AMMECR1L: variants seen among roughly 807,000 people sequenced by gnomAD.
AMMECR1L encodes AMMECR1 like.
AMMECR1L carries 4 observed loss-of-function variants against 36.8 expected under a neutral mutation model. The observed-to-expected ratio is 0.11, with a 90% CI of 0.05 to 0.25. The LOEUF is 0.25. Ranked by LOEUF, AMMECR1L falls within the 10% of genes least tolerant of loss-of-function variation. The pLI is 1.00. For synonymous variants in AMMECR1L, 147 were observed against 148.0 expected (o/e 0.99, Z 0.05); for missense variants, 232 against 392.1 (o/e 0.59, Z 3.45).
chr2:127,866,692 T>C (rs1043326274), intron 7 of AMMECR1L, among the ~76,000 whole-genome samples: 1 of 152,192 alleles, frequency 6.6e-6, no homozygotes, highest in African/African-American at 2.4e-5. Context: ...CTGCTCCAAC[T>C]GTGCCCCCAG....
chr2:127,878,191 C>G (rs1249281410), intron 2 of AMMECR1L, among the ~76,000 whole-genome samples: 1 of 152,136 alleles, frequency 6.6e-6, no homozygotes, highest in African/African-American at 2.4e-5. Flanking sequence ...AAGTCAACAT[C>G]TCAGCCATCA....
At chr2:127,880,256 G>A (rs1259427005) in intron 2 of AMMECR1L, among the ~76,000 whole-genome samples, 2 of 152,162 alleles carry the variant, frequency 1.3e-5, no homozygotes, top group Non-Finnish European at 2.9e-5. Context: ...ACAAAGCTCA[G>A]CTCAAGGGCC....
In AMMECR1L at chr2:127,865,571, T is replaced by C. The variant is rs947983156; in HGVS notation, c.822-366A>G. On this transcript the variant is annotated intron_variant, in intron 7 of 7. Coordinates refer to ENST00000272647, the MANE Select transcript of AMMECR1L (RefSeq NM_001199140.2). The surrounding 1 kb of genome is among the most constrained non-coding windows in gnomAD (Gnocchi z 5.4). ...GGAAGATGGCTGCACCAAAACCCAG[T>C]GCAAACTGCACATCTACTTCCAGAG... Among the ~76,000 whole-genome samples the C allele has an allele frequency of 6.6e-6, 1 of 152,222 alleles. No individual in the cohort carries two copies. The highest frequency in any genetic ancestry group is 1.9e-4 in the East Asian group (1 of 5,198).
intron 2 of AMMECR1L, among the ~76,000 whole-genome samples, chr2:127,881,190 C>G (rs1691485064): frequency 6.6e-6 from 1 of 151,816 alleles, no homozygotes; most frequent in African/African-American, 2.4e-5. Flanking sequence ...TCATTTTTTC[C>G]TTTTTCAATG....
rs1176277455 is a variant in AMMECR1L at position 127,869,668 on chromosome 2, T to C, written c.634-124A>G. The stretch of plus-strand genomic sequence containing the variant: ...ACAGGCCTGGAAAAGGGAGACCTTC[T>C]CGCATTTCATGACTAATTCTATCTC... On this transcript the variant is annotated intron_variant, in intron 5 of 7. Transcript: ENST00000272647. The surrounding 1 kb of genome is among the most constrained non-coding windows in gnomAD (Gnocchi z 4.7). The C allele has an allele frequency of 3.9e-6, 3 of 776,506 alleles. No individual in the cohort carries two copies. Among genetic ancestry groups the C allele is most frequent in the Non-Finnish European group, 6.4e-6 (3 of 465,506 alleles). The allele number at this position is 776,506 out of a possible 1,614,324, so 48.1% of individuals were successfully genotyped here.
chr2:127,879,591 G>T (rs1380703521), intron 2 of AMMECR1L, among the ~76,000 whole-genome samples: 1 of 152,186 alleles, frequency 6.6e-6, no homozygotes, highest in Non-Finnish European at 1.5e-5. Flanking sequence ...TACAGGCAAA[G>T]AATGTAAACC....
In AMMECR1L at chr2:127,874,415, A is replaced by AGGTT; in HGVS notation, c.-38-144_-38-143insAACC. ...CTCAACCTCCAGGTCACAGACCAGG[A>AGGTT]GAAGAAACCCCTAACCTTTTCCTAA... On this transcript the variant is annotated intron_variant, in intron 2 of 7. Transcript: ENST00000272647. The surrounding 1 kb of genome is among the most constrained non-coding windows in gnomAD (Gnocchi z 5.2). 1.3e-6 allele frequency: 1 copy of AGGTT among 765,274 alleles called. No homozygotes were observed. Among genetic ancestry groups the AGGTT allele is most frequent in the Non-Finnish European group, 2.0e-6 (1 of 492,362 alleles). 47.4% of individuals were successfully genotyped at this position (765,274 alleles called of 1,614,324 possible). A position where few individuals can be genotyped will look rare whatever the true frequency, so the allele number is the denominator to read the frequency against.
chr2:127,866,724 G>A (rs1039458378), intron 7 of AMMECR1L, among the ~76,000 whole-genome samples, 176 bp downstream of exon 7: 2 of 152,218 alleles, frequency 1.3e-5, no homozygotes, highest in Non-Finnish European at 2.9e-5. Context: ...AGACACACAG[G>A]ATGCTGGGAG....
At position 127,866,357 on chromosome 2, in the gene AMMECR1L, G is replaced by A. The variant is rs1363882714; in HGVS notation, c.821+543C>T. ...TACAGACAGGGAACAGGCTCAGAGA[G>A]GCAGAATAACTGGCTCAGGTCACAC... On this transcript the variant is annotated intron_variant, in intron 7 of 7. Transcript: ENST00000272647. Among the ~76,000 whole-genome samples, 3 of 152,322 alleles carry A rather than the reference G, an allele frequency of 2.0e-5. No individual in the cohort carries two copies. The East Asian group carries it at 5.8e-4, about 29-fold the overall frequency.
At chr2:127,885,225 A>AGTGCGC (rs1691706280) in intron 1 of AMMECR1L, 1 of 984,764 alleles carries the variant, frequency 1.0e-6, no homozygotes, top group Non-Finnish European at 1.2e-6. Context: ...GCGTGTGAAG[A>AGTGCGC]GTGTTAAGAA....
rs1443434471 is a variant in AMMECR1L, at chr2:127,873,333, TG to T, written c.407+494del. On this transcript the variant is annotated intron_variant, in intron 3 of 7. Coordinates refer to ENST00000272647, the MANE Select transcript of AMMECR1L (RefSeq NM_001199140.2). The surrounding 1 kb of genome is among the most constrained non-coding windows in gnomAD (Gnocchi z 5.2). Reference sequence around the variant, plus strand: ...ACTGAAGCAGATTCTGACTTCTTGATGGGATGTGAGTGGCCCTACAGGTTTA... The same window carrying T: ...ACTGAAGCAGATTCTGACTTCTTGATGGATGTGAGTGGCCCTACAGGTTTA... The T allele has an allele frequency of 2.0e-6, 2 of 985,348 alleles. No individual in the cohort carries two copies. Among genetic ancestry groups the T allele is most frequent in the African/African-American group, 3.5e-5 (2 of 57,256 alleles). 61.0% of individuals were successfully genotyped at this position (985,348 alleles called of 1,614,324 possible).
At position 127,870,868 on chromosome 2, in the gene AMMECR1L, G is replaced by A; in HGVS notation, c.579C>T (p.Cys193=). Residue 193 remains cysteine (C), a synonymous_variant, in exon 5 of 8, where the codon TGC becomes TGT. Transcript: ENST00000272647. ...CAAAGTTAGTAAGGAGGGAGACAGA[G>A]CAGAAAAGTTTAGGCAGCTCCTCTC... ...LTREELPKLF[C]SVSLLTNFED... 6.2e-7 allele frequency: 1 copy of A among 1,613,722 alleles called. No homozygotes were observed.
rs529070520 is a variant in AMMECR1L at position 127,868,803 on chromosome 2, C to A, written c.724+651G>T. 5.3e-5 allele frequency among the ~76,000 whole-genome samples: 8 copies of A among 152,054 alleles called. No homozygotes were observed. In the South Asian group the frequency reaches 1.7e-3, roughly 32 times the overall value. ...GTAATGGCACGATCTTGGCTCACTGCAACCTCTGCCTCCTGGGTTCAAGTG... is the reference window on the plus strand; with the variant it reads ...GTAATGGCACGATCTTGGCTCACTGAAACCTCTGCCTCCTGGGTTCAAGTG... On this transcript the variant is annotated intron_variant, in intron 6 of 7. Transcript: ENST00000272647.
At chr2:127,881,863 T>C (rs1015227191) in intron 2 of AMMECR1L, among the ~76,000 whole-genome samples, 4 of 152,228 alleles carry the variant, frequency 2.6e-5, no homozygotes, top group African/African-American at 7.2e-5. Context: ...CTTGATGGTT[T>C]CCTTCTTTGG....
In AMMECR1L at chr2:127,873,137, A is replaced by G. The variant is rs1691067001; in HGVS notation, c.407+691T>C. 1 of 985,342 alleles carries G rather than the reference A, an allele frequency of 1.0e-6. No individual in the cohort carries two copies. Among genetic ancestry groups the G allele is most frequent in the South Asian group, 4.7e-5 (1 of 21,292 alleles). The allele number at this position is 985,342 out of a possible 1,614,324, so 61.0% of individuals were successfully genotyped here. A position where few individuals can be genotyped will look rare whatever the true frequency, so the allele number is the denominator to read the frequency against. On this transcript the variant is annotated intron_variant, in intron 3 of 7. Coordinates refer to ENST00000272647, the MANE Select transcript of AMMECR1L (RefSeq NM_001199140.2). The surrounding 1 kb of genome is among the most constrained non-coding windows in gnomAD (Gnocchi z 5.2). ...CCAAAAGCATACCCCCAAAACAAAA[A>G]TAAAAAAACAGCAATGCTCTTCAAA... is the stretch of plus-strand genomic sequence containing the variant.
Position 127,862,461 on chromosome 2 carries a change from A to G in AMMECR1L, c.*2633T>C, listed in dbSNP as rs1265753730. ...TCCTCTCCCTATGCAAAGCTGCCAC[A>G]TGGATGATCCAGACTTGGTATTTTT... On this transcript the variant is annotated 3_prime_UTR_variant, in exon 8 of 8. Transcript: ENST00000272647. The G allele has an allele frequency of 1.3e-5, 2 of 153,748 alleles. No individual in the cohort carries two copies. Among genetic ancestry groups the G allele is most frequent in the African/African-American group, 2.4e-5 (1 of 41,458 alleles). 9.5% of individuals were successfully genotyped at this position (153,748 alleles called of 1,614,324 possible).
chr2:127,866,852 CA>C (rs1558990528), intron 7 of AMMECR1L, 47 bp downstream of exon 7: 1 of 1,547,860 alleles, frequency 6.5e-7, no homozygotes, highest in South Asian at 1.1e-5. Flanking sequence ...ATCCTCCATT[CA>C]ACCCCAACTA....
At chr2:127,882,012 C>T (rs977832139) in intron 2 of AMMECR1L, among the ~76,000 whole-genome samples, 12 of 152,160 alleles carry the variant, frequency 7.9e-5, no homozygotes, top group African/African-American at 2.7e-4. Context: ...TACAGACATA[C>T]ACTAAAATAG....
rs1045832 is a variant in AMMECR1L at position 127,863,520 on chromosome 2, A to G, written c.*1574T>C. The stretch of plus-strand genomic sequence containing the variant: ...CCCCCACTCCCCTTCCCCATTCCTG[A>G]CAGAAGAAAATGCAAAAGATCTTCT... On this transcript the variant is annotated 3_prime_UTR_variant, in exon 8 of 8. Coordinates refer to ENST00000272647, the MANE Select transcript of AMMECR1L (RefSeq NM_001199140.2). The G allele has an allele frequency of 0.5, 75,420 of 151,704 alleles. 19,827 individuals are homozygous for G. The highest frequency in any genetic ancestry group is 0.67 in the African/African-American group (27,891 of 41,432). 9.4% of individuals were successfully genotyped at this position (151,704 alleles called of 1,614,324 possible). A position where few individuals can be genotyped will look rare whatever the true frequency, so the allele number is the denominator to read the frequency against.
Sources: allele counts gnomAD v4.1 joint callset (sites outside exome capture counted in the v4.1 genomes callset), GRCh38; gene constraint gnomAD v4.1.1; non-coding constraint Gnocchi (gnomAD v3.1); transcripts MANE v1.5; gene names NCBI Gene and HGNC (gene_info 2026-07-23, HGNC 2026-07-21).